F8: variants seen among roughly 807,000 people sequenced by gnomAD.
The protein encoded by F8 is coagulation factor VIII.
Under a neutral mutation model 140.6 loss-of-function variants are expected in F8, and 12 were observed. That is an observed-to-expected ratio of 0.09 (90% confidence interval 0.05 to 0.14). F8 has a LOEUF of 0.14. Among genes scored for constraint, F8 ranks in the 10% least tolerant of loss-of-function variants. F8 has a pLI of 1.00. For synonymous variants in F8, 585 were observed against 614.6 expected, an observed-to-expected ratio of 0.95 and a Z score of 0.71; for missense variants, 1,354 against 1,720.7, an observed-to-expected ratio of 0.79 and a Z score of 3.77.
At chrX:154,983,937 C>T (rs1448064411) in intron 6 of F8, among the ~76,000 whole-genome samples, 1 of 111,971 alleles carries the variant, frequency 8.9e-6, no homozygotes, top group Non-Finnish European at 1.9e-5. Flanking sequence ...CAAATCTCCC[C>T]CCAGGGAACC....
chrX:154,865,163 C>G (rs1345937211), intron 22 of F8, among the ~76,000 whole-genome samples: 1 of 110,933 alleles, frequency 9.0e-6, no homozygotes, highest in Non-Finnish European at 1.9e-5. Context: ...CCTTGCAGGT[C>G]AGGAAAGAGT....
chrX:154,909,151 T>G (rs2073052425), intron 14 of F8: 2 of 233,856 alleles, frequency 8.6e-6, no homozygotes, highest in Non-Finnish European at 8.1e-6. Context: ...AGCTTCATGG[T>G]GCAATTCAAA....
chrX:154,942,539 G>A (rs1402158968), intron 13 of F8, among the ~76,000 whole-genome samples: 4 of 103,465 alleles, frequency 3.9e-5, no homozygotes, highest in African/African-American at 7.1e-5. Flanking sequence ...CTTACCAACC[G>A]AAAAGAGTCC....
chrX:154,979,984 C>G (rs1226211828), intron 6 of F8, among the ~76,000 whole-genome samples: 2 of 111,616 alleles, frequency 1.8e-5, no homozygotes, highest in African/African-American at 6.5e-5. Flanking sequence ...CTAAGGGTCT[C>G]TTACCTTTTC....
Position 154,902,119 on chromosome X carries a change from C to T in F8, c.6047G>A (p.Arg2016Gln), listed in dbSNP as rs1444225681. The stretch of plus-strand genomic sequence containing the variant: ...ATGCTCGCCAATAAGGCATTCCACC[C>T]GCCAAATTCCAGCTTTGGATGGTAA... ...EMLPSKAGIW[R>Q]VECLIGEHLH... is the part of the protein sequence containing the mutation. Residue 2016 changes from arginine (R) to glutamine (Q), a missense_variant, in exon 19 of 26, where the codon CGG becomes CAG. Physicochemically the swap from Arg to Gln is conservative, Grantham distance 43 (BLOSUM62 1). Transcript: ENST00000360256. The T allele has an allele frequency of 7.4e-6, 9 of 1,210,645 alleles. No homozygotes were observed. Among genetic ancestry groups the T allele is most frequent in the African/African-American group, 5.2e-5 (3 of 57,766 alleles).
At chrX:154,858,555 C>G (rs190451964) in intron 25 of F8, among the ~76,000 whole-genome samples, 4 of 112,027 alleles carry the variant, frequency 3.6e-5, no homozygotes, top group East Asian at 5.6e-4. Flanking sequence ...CTTAGTATTA[C>G]CAGGCCCTAT....
intron 25 of F8, among the ~76,000 whole-genome samples, chrX:154,854,720 A>C (rs782179841): frequency 9.0e-6 from 1 of 111,316 alleles, no homozygotes; most frequent in Non-Finnish European, 1.9e-5. Context: ...TTTAAGGATA[A>C]ATTTTATAAA....
intron 22 of F8, among the ~76,000 whole-genome samples, chrX:154,867,761 C>T (rs2072743465): frequency 9.3e-6 from 1 of 107,552 alleles, no homozygotes; most frequent in Admixed American, 1.0e-4. Context: ...AGGCCAATAT[C>T]CCTGATGAAC....
At chrX:155,004,806 C>T (rs782570209) in intron 1 of F8, among the ~76,000 whole-genome samples, 17 of 112,026 alleles carry the variant, frequency 1.5e-4, no homozygotes, top group African/African-American at 5.5e-4. Context: ...TACCCAGAAG[C>T]TACCCACTTG....
chrX:154,907,042 CAACA>C (rs2073042200), intron 14 of F8, among the ~76,000 whole-genome samples: 1 of 111,755 alleles, frequency 8.9e-6, no homozygotes, highest in Admixed American at 9.5e-5. Flanking sequence ...GTAACATTGC[CAACA>C]ACCCACAAGA....
chrX:154,876,011 T>C (rs1443174523), intron 22 of F8, among the ~76,000 whole-genome samples: 1 of 110,822 alleles, frequency 9.0e-6, no homozygotes, highest in Non-Finnish European at 1.9e-5. Flanking sequence ...CTGAAAATGA[T>C]ATCACTCATA....
intron 14 of F8, among the ~76,000 whole-genome samples, chrX:154,913,564 T>G (rs1032902055): frequency 8.9e-6 from 1 of 112,478 alleles, no homozygotes; most frequent in Non-Finnish European, 1.9e-5. Context: ...ACAATAGGGG[T>G]ACAGGCATTG....
chrX:154,966,349 A>G (rs969426932), intron 8 of F8, 77 bp downstream of exon 8: 1 of 1,146,303 alleles, frequency 8.7e-7, no homozygotes, highest in Non-Finnish European at 1.2e-6. Context: ...TGGCTTCAGG[A>G]TTTGTTGGTT....
chrX:154,902,136 G>A lies in F8; in HGVS notation c.6030C>T (p.Ser2010=), dbSNP rs782807692. ...ATTCCACCCGCCAAATTCCAGCTTT[G>A]GATGGTAACATTTCCACTGTCTCAA... ...GVFETVEMLP[S]KAGIWRVECL... is the part of the protein sequence containing the mutation. The change falls in exon 19 of 26, where the codon TCC becomes TCT. Residue 2010 remains serine, a synonymous_variant. Coordinates refer to ENST00000360256, the MANE Select transcript of F8 (RefSeq NM_000132.4). 2 of 1,208,108 alleles carry A rather than the reference G, an allele frequency of 1.7e-6. No homozygotes were observed. The highest frequency in any genetic ancestry group is 2.2e-5 in the Admixed American group (1 of 46,022).
intron 25 of F8, among the ~76,000 whole-genome samples, chrX:154,856,662 C>T (rs2072653744): frequency 1.8e-5 from 2 of 111,781 alleles, no homozygotes; most frequent in South Asian, 7.5e-4. Context: ...GTTTACAGAC[C>T]CAGCACTCCT....
At chrX:155,011,310 A>T (rs1214328119) in intron 1 of F8, among the ~76,000 whole-genome samples, 1 of 112,708 alleles carries the variant, frequency 8.9e-6, no homozygotes, top group Admixed American at 9.3e-5. Flanking sequence ...AAGACTCTCA[A>T]CAACGTAAGT....
chrX:154,939,487 C>G (rs1279124833), intron 13 of F8, among the ~76,000 whole-genome samples: 1 of 112,747 alleles, frequency 8.9e-6, no homozygotes, highest in East Asian at 2.8e-4. Flanking sequence ...CGCCATTGCT[C>G]AGGCTTGAGT....
intron 6 of F8, among the ~76,000 whole-genome samples, chrX:154,978,576 AT>A (rs1557283227): frequency 9.0e-6 from 1 of 111,167 alleles, no homozygotes; most frequent in Admixed American, 9.5e-5. Context: ...CATTCTTTCT[AT>A]TTTTTTGTAC....
chrX:155,021,574 T>C (rs1205748806), intron 1 of F8, among the ~76,000 whole-genome samples: 1 of 110,324 alleles, frequency 9.1e-6, no homozygotes, highest in Admixed American at 9.6e-5. Context: ...AAAAAAGAGA[T>C]TGATAAATCA....
Sources: allele counts gnomAD v4.1 joint callset (sites outside exome capture counted in the v4.1 genomes callset), GRCh38; gene constraint gnomAD v4.1.1; transcripts MANE v1.5; gene names NCBI Gene and HGNC (gene_info 2026-07-23, HGNC 2026-07-21).